Variants in STARD13 observed in about 807,000 individuals in gnomAD.
STARD13 encodes stAR-related lipid transfer protein 13.
In STARD13, 62 loss-of-function variants were observed where a neutral mutation model predicts 106.4. The ratio of observed to expected loss-of-function variants is 0.58; its 90% CI spans 0.48 to 0.72. The LOEUF is 0.72. STARD13 is among the 30% of genes least tolerant of loss of function. The probability of loss-of-function intolerance (pLI) is 0.00; values close to 1 mark genes in which losing one functional copy is unlikely to be tolerated. For missense variants in STARD13, 1,387 were observed against 1,424.0 expected (o/e 0.97, Z 0.42); for synonymous variants, 565 against 553.0 (o/e 1.02, Z -0.31).
chr13:33,528,243 C>CATATATATATATATATATAT, the STARD13 span, among the ~76,000 whole-genome samples: 1 of 93,478 alleles, frequency 1.1e-5, no homozygotes, highest in Non-Finnish European at 2.0e-5. Context: ...TATATATATA[C>CATATATATATATATATATAT]ATATATATAT....
the STARD13 span, among the ~76,000 whole-genome samples, chr13:33,475,911 G>A: frequency 6.6e-6 from 1 of 151,896 alleles, no homozygotes; most frequent in Non-Finnish European, 1.5e-5. Context: ...GAGCCGAGAT[G>A]GCGCCACTGC....
chr13:33,479,614 T>C, the STARD13 span, among the ~76,000 whole-genome samples: 1 of 152,218 alleles, frequency 6.6e-6, no homozygotes, highest in African/African-American at 2.4e-5. Flanking sequence ...GACACAGATG[T>C]ATTGTTGATA....
At chr13:33,186,063 C>T (rs749508087) in intron 1 of STARD13, 2 of 1,611,126 alleles carry the variant, frequency 1.2e-6, no homozygotes, top group Non-Finnish European at 1.7e-6. Context: ...AGATGATAGT[C>T]CTCTCTCATG....
chr13:33,264,764 C>G (rs890584901), intron 1 of STARD13, among the ~76,000 whole-genome samples: 1 of 152,194 alleles, frequency 6.6e-6, no homozygotes, highest in Non-Finnish European at 1.5e-5. Flanking sequence ...GACTCAGAGG[C>G]TGGGCAGTGG....
chr13:33,115,742 G>A (rs1022875536), intron 8 of STARD13, among the ~76,000 whole-genome samples: 1 of 152,294 alleles, frequency 6.6e-6, no homozygotes, highest in South Asian at 2.1e-4. Context: ...GAGAGCTTCT[G>A]TAAGATGTAT....
chr13:33,372,481 A>G, the STARD13 span, among the ~76,000 whole-genome samples: 3 of 151,582 alleles, frequency 2.0e-5, no homozygotes, highest in African/African-American at 7.3e-5. Context: ...CAGGAAAGCA[A>G]TCTCGTATGC....
the STARD13 span, among the ~76,000 whole-genome samples, chr13:33,578,164 A>G: frequency 1.3e-5 from 2 of 152,146 alleles, no homozygotes; most frequent in Non-Finnish European, 2.9e-5. Flanking sequence ...TAAAATTCAT[A>G]TGGAATAGAA....
chr13:33,442,060 C>T, the STARD13 span, among the ~76,000 whole-genome samples: 1 of 152,174 alleles, frequency 6.6e-6, no homozygotes, highest in Admixed American at 6.5e-5. Flanking sequence ...ACTATTTGAC[C>T]TGGAATAAGA....
chr13:33,536,806 T>C, the STARD13 span, among the ~76,000 whole-genome samples: 86 of 152,326 alleles, frequency 5.6e-4, no homozygotes, highest in Non-Finnish European at 1.0e-3. Context: ...CAGCCTATAC[T>C]CCAATCTCTG....
intron 1 of STARD13, among the ~76,000 whole-genome samples, chr13:33,275,390 T>C (rs1891374104): frequency 6.6e-6 from 1 of 152,230 alleles, no homozygotes; most frequent in African/African-American, 2.4e-5. Context: ...TTGTCTTAAA[T>C]TGAGCACTTA....
chr13:33,280,436 A>T (rs1222718034), intron 1 of STARD13: 1 of 152,198 alleles, frequency 6.6e-6, no homozygotes, highest in Admixed American at 6.5e-5. Flanking sequence ...AACTTTCTAC[A>T]TTCCACATTT....
chr13:33,343,270 T>A (rs1033061306), intron 1 of STARD13, among the ~76,000 whole-genome samples: 1 of 150,958 alleles, frequency 6.6e-6, no homozygotes, highest in Admixed American at 6.6e-5. Flanking sequence ...TTAAAAAAAA[T>A]TATTAATTAA....
intron 1 of STARD13, among the ~76,000 whole-genome samples, chr13:33,292,579 C>T (rs1012214642): frequency 3.4e-5 from 5 of 147,552 alleles, no homozygotes; most frequent in African/African-American, 1.2e-4. Flanking sequence ...CTAGCCTGGG[C>T]AACAGAGCAA....
At chr13:33,408,009 C>G in the STARD13 span, among the ~76,000 whole-genome samples, 1 of 152,066 alleles carries the variant, frequency 6.6e-6, no homozygotes, top group Non-Finnish European at 1.5e-5. Flanking sequence ...GGGAGTTGTC[C>G]CTGGCTGTCG....
Position 33,130,006 on chromosome 13 carries a change from T to G in STARD13, c.671A>C (p.Asp224Ala). ...QCCTDNPVMLDAPLVSSSLPQ... is the reference protein window; with the variant it reads ...QCCTDNPVMLAAPLVSSSLPQ... The stretch of plus-strand genomic sequence containing the variant: ...GAGGCTGCTGCTGACGAGTGGGGCA[T>G]CCAGCATGACCGGGTTGTCTGTACA... The change falls in exon 5 of 14, where the codon GAT (aspartate) becomes GCT (alanine). Residue 224 changes from aspartate to alanine, a missense_variant. By Grantham distance (126) the Asp-to-Ala change is moderately radical. Transcript: ENST00000336934. This position sits in a 1 kb window ranked among gnomAD's most constrained non-coding sequence, Gnocchi z 4.1. The G allele has an allele frequency of 1.9e-6, 3 of 1,613,164 alleles. No homozygotes were observed. Among genetic ancestry groups the G allele is most frequent in the Non-Finnish European group, 2.5e-6 (3 of 1,179,738 alleles).
At chr13:33,542,463 C>T in the STARD13 span, among the ~76,000 whole-genome samples, 1 of 152,272 alleles carries the variant, frequency 6.6e-6, no homozygotes, top group Non-Finnish European at 1.5e-5. Context: ...CCACCATTTC[C>T]GCCTTGCCTG....
Position 33,226,203 on chromosome 13 carries a change from G to A in STARD13, c.170-58581C>T, listed in dbSNP as rs148523213. Among the ~76,000 whole-genome samples the A allele has an allele frequency of 4.2e-3, 638 of 152,322 alleles. 4 individuals carry two copies. The highest frequency in any genetic ancestry group is 0.015 in the African/African-American group (606 of 41,576). The stretch of plus-strand genomic sequence containing the variant: ...TGTTGTTTAAGCCACTCAGTCTATG[G>A]CATTTTGTTACGGCAGCCTGAGCAA... On this transcript the variant is annotated intron_variant, in intron 1 of 13. Coordinates refer to ENST00000336934, the MANE Select transcript of STARD13 (RefSeq NM_178006.4).
At chr13:33,487,853 T>G in the STARD13 span, among the ~76,000 whole-genome samples, 1 of 152,210 alleles carries the variant, frequency 6.6e-6, no homozygotes, top group Non-Finnish European at 1.5e-5. Context: ...TTCTTCACCT[T>G]TTGCAATCTG....
At chr13:33,405,521 C>G in the STARD13 span, among the ~76,000 whole-genome samples, 1 of 152,244 alleles carries the variant, frequency 6.6e-6, no homozygotes, top group Non-Finnish European at 1.5e-5. Context: ...TCGTTGAAGT[C>G]TGTAGTTTCC....
Sources: allele counts gnomAD v4.1 joint callset (sites outside exome capture counted in the v4.1 genomes callset), GRCh38; gene constraint gnomAD v4.1.1; non-coding constraint Gnocchi (gnomAD v3.1); transcripts MANE v1.5; gene names NCBI Gene and HGNC (gene_info 2026-07-23, HGNC 2026-07-21).